AKT3: variants seen among roughly 807,000 people sequenced by gnomAD.
The protein encoded by AKT3 is AKT serine/threonine kinase 3.
Under a neutral mutation model 65.3 loss-of-function variants are expected in AKT3, and 15 were observed. That is an observed-to-expected ratio of 0.23 (90% CI 0.15 to 0.35). The LOEUF (loss-of-function observed/expected upper bound fraction) is 0.35, where lower values mean the gene tolerates loss of function less well. Among genes scored for constraint, AKT3 ranks in the 10% least tolerant of loss-of-function variants. The pLI is 1.00. For missense variants in AKT3, 243 were observed against 576.5 expected (o/e 0.42, Z 5.92); for synonymous variants, 206 against 183.8 (o/e 1.12, Z -0.98).
In AKT3 at chr1:243,518,378, T is replaced by C. The variant is rs192436267; in HGVS notation, c.1252-5952A>G. ...GGCTGGGTGCAGTGGCTCATGCCTG[T>C]AATCCCAGCACTTTGGGAGTCTGAG... On this transcript the variant is annotated intron_variant, in intron 12 of 13. Transcript: ENST00000673466. 3.4e-3 allele frequency among the ~76,000 whole-genome samples: 515 copies of C among 152,244 alleles called. 1 individual carries two copies. The highest frequency in any genetic ancestry group is 6.1e-3 in the Non-Finnish European group (412 of 68,014).
At chr1:243,595,223 A>G (rs1676516382) in intron 8 of AKT3, among the ~76,000 whole-genome samples, 2 of 152,186 alleles carry the variant, frequency 1.3e-5, no homozygotes, top group South Asian at 4.1e-4. Context: ...TAACACAATG[A>G]TATTTGCACA....
At chr1:243,508,985 T>C (rs896316032) in intron 13 of AKT3, among the ~76,000 whole-genome samples, 4 of 152,106 alleles carry the variant, frequency 2.6e-5, no homozygotes, top group African/African-American at 7.2e-5. Flanking sequence ...AGCCAGACTT[T>C]TGTGGTCCTA....
intron 2 of AKT3, among the ~76,000 whole-genome samples, chr1:243,827,395 T>C (rs566679324): frequency 6.6e-6 from 1 of 152,288 alleles, no homozygotes; most frequent in East Asian, 1.9e-4. Flanking sequence ...AATGACTTCT[T>C]ACTATAAAGA....
intron 2 of AKT3, among the ~76,000 whole-genome samples, chr1:243,743,830 G>C (rs1194761762): frequency 6.6e-6 from 1 of 152,118 alleles, no homozygotes; most frequent in Non-Finnish European, 1.5e-5. Flanking sequence ...AGCAACCATA[G>C]GAAGAGGCCC....
intron 2 of AKT3, among the ~76,000 whole-genome samples, chr1:243,768,665 T>C (rs1405342286): frequency 6.6e-6 from 1 of 151,974 alleles, no homozygotes; most frequent in Non-Finnish European, 1.5e-5. Flanking sequence ...TGAAACTCCA[T>C]CTCTACTAAA....
Position 243,805,611 on chromosome 1 carries a change from T to C in AKT3, c.46+37514A>G, listed in dbSNP as rs532087588. On this transcript the variant is annotated intron_variant, in intron 2 of 13. Transcript: ENST00000673466. Reference sequence around the variant, plus strand: ...TGAATTCATGATATTTCTTTTATTGTCAAATCCAATGGCCCCTTTAATTTC... The same window carrying C: ...TGAATTCATGATATTTCTTTTATTGCCAAATCCAATGGCCCCTTTAATTTC... Among the ~76,000 whole-genome samples the C allele has an allele frequency of 5.3e-5, 8 of 152,290 alleles. No individual in the cohort carries two copies. The East Asian group carries it at 1.5e-3, about 29-fold the overall frequency.
At chr1:243,831,548 G>T (rs1226723629) in intron 2 of AKT3, among the ~76,000 whole-genome samples, 2 of 152,162 alleles carry the variant, frequency 1.3e-5, no homozygotes, top group East Asian at 3.8e-4. Flanking sequence ...ACATCAAAAG[G>T]TAATGTGATT....
chr1:243,642,698 G>A (rs529992866), intron 5 of AKT3, among the ~76,000 whole-genome samples: 1 of 152,276 alleles, frequency 6.6e-6, no homozygotes, highest in East Asian at 1.9e-4. Context: ...ATTTATTGGG[G>A]AAATACTTTA....
At chr1:243,707,052 G>A (rs1685846599) in intron 2 of AKT3, among the ~76,000 whole-genome samples, 1 of 152,130 alleles carries the variant, frequency 6.6e-6, no homozygotes. Context: ...TAATAATGGA[G>A]AAATAAATTA....
At chr1:243,619,715 C>T (rs1454560533) in intron 6 of AKT3, among the ~76,000 whole-genome samples, 1 of 99,182 alleles carries the variant, frequency 1.0e-5, no homozygotes, top group Non-Finnish European at 2.8e-5. Flanking sequence ...CCACTCTGTA[C>T]ATATATCGCA....
intron 4 of AKT3, among the ~76,000 whole-genome samples, chr1:243,650,884 G>A (rs1327948355): frequency 3.3e-5 from 5 of 152,006 alleles, no homozygotes; most frequent in Admixed American, 1.3e-4. Flanking sequence ...TTGGCTATGC[G>A]GGCTATTTTT....
chr1:243,492,901 G>A (rs1428769610), intron 13 of AKT3, among the ~76,000 whole-genome samples: 1 of 152,086 alleles, frequency 6.6e-6, no homozygotes, highest in South Asian at 2.1e-4. Flanking sequence ...GCTTTGCCCG[G>A]CCTCTTGGCT....
Position 243,505,116 on chromosome 1 carries a change from G to T in AKT3, c.*133C>A. 1 of 723,152 alleles carries T rather than the reference G, an allele frequency of 1.4e-6. No homozygotes were observed. The highest frequency in any genetic ancestry group is 2.3e-6 in the Non-Finnish European group (1 of 426,668). The allele number at this position is 723,152 out of a possible 1,614,324, so 44.8% of individuals were successfully genotyped here. On this transcript the variant is annotated 3_prime_UTR_variant, in exon 14 of 14. Transcript: ENST00000673466. ...TTCATGAGGGTGAAAGGTGGCGAGG[G>T]GTGAGGACCCTTGGCTGGTCTGGGA...
At chr1:243,702,436 C>A (rs1163087893) in intron 2 of AKT3, among the ~76,000 whole-genome samples, 1 of 152,108 alleles carries the variant, frequency 6.6e-6, no homozygotes. Flanking sequence ...GGGTCCTCAT[C>A]TGAAAAACAG....
At chr1:243,840,278 C>T (rs192110328) in intron 2 of AKT3, among the ~76,000 whole-genome samples, 2 of 151,984 alleles carry the variant, frequency 1.3e-5, no homozygotes, top group African/African-American at 4.8e-5. Context: ...ACAAAGAGAG[C>T]GTAAGAAATC....
intron 3 of AKT3, among the ~76,000 whole-genome samples, chr1:243,691,128 TTAGAAAAGTA>T (rs1354345811): frequency 1.3e-5 from 2 of 152,140 alleles, no homozygotes; most frequent in East Asian, 3.9e-4. Flanking sequence ...GAATTAAGTC[TTAGAAAAGTA>T]TCCAGGCAAA....
intron 2 of AKT3, among the ~76,000 whole-genome samples, chr1:243,753,373 G>A (rs770390415): frequency 2.0e-5 from 3 of 152,042 alleles, no homozygotes; most frequent in African/African-American, 7.2e-5. Flanking sequence ...ACCTAAAAGC[G>A]TACGATTTTT....
intron 2 of AKT3, among the ~76,000 whole-genome samples, chr1:243,772,322 A>T (rs1017512155): frequency 3.9e-5 from 6 of 152,106 alleles, no homozygotes; most frequent in South Asian, 2.1e-4. Context: ...GAATCTACAA[A>T]GAACTCAAAC....
chr1:243,566,353 C>T (rs182071568), intron 9 of AKT3, among the ~76,000 whole-genome samples: 93 of 152,234 alleles, frequency 6.1e-4, no homozygotes, highest in Non-Finnish European at 5.9e-5. Flanking sequence ...TCCCAGTTTG[C>T]CCAGAACTGA....
Sources: allele counts gnomAD v4.1 joint callset (sites outside exome capture counted in the v4.1 genomes callset), GRCh38; gene constraint gnomAD v4.1.1; transcripts MANE v1.5; gene names NCBI Gene and HGNC (gene_info 2026-07-23, HGNC 2026-07-21).